Variants in CFAP77 observed in about 807,000 individuals in gnomAD.
The protein encoded by CFAP77 is cilia and flagella associated protein 77.
In CFAP77, 25 loss-of-function variants were observed where a neutral mutation model predicts 31.1. The observed-to-expected ratio is 0.80, with a 90% confidence interval of 0.59 to 1.12. The LOEUF is 1.12. CFAP77 is among the 50% of genes most tolerant of loss of function. CFAP77 has a pLI of 0.00. For synonymous variants in CFAP77, 151 were observed against 159.9 expected (o/e 0.94, Z 0.42); for missense variants, 377 against 397.3 (o/e 0.95, Z 0.44).
At chr9:132,562,870 T>G (rs1217901213) in intron 5 of CFAP77, among the ~76,000 whole-genome samples, 2 of 151,766 alleles carry the variant, frequency 1.3e-5, no homozygotes, top group Non-Finnish European at 2.9e-5. Context: ...CAGCTAATTT[T>G]TGTATTTTTA....
intron 1 of CFAP77, chr9:132,482,510 G>T: frequency 1.1e-6 from 1 of 892,088 alleles, no homozygotes; most frequent in Non-Finnish European, 1.8e-6. Flanking sequence ...TGCGTGCTGG[G>T]CACCCGTGGC....
At chr9:132,510,220 C>T (rs1411215466) in intron 3 of CFAP77, among the ~76,000 whole-genome samples, 2 of 152,296 alleles carry the variant, frequency 1.3e-5, no homozygotes, top group East Asian at 1.9e-4. Context: ...TGGTTCCCCT[C>T]GGAGCCTCCC....
chr9:132,545,486 G>A lies in CFAP77; in HGVS notation c.732+2439G>A, dbSNP rs964535908. 2.6e-5 allele frequency among the ~76,000 whole-genome samples: 4 copies of A among 152,170 alleles called. No homozygotes were observed. The highest frequency in any genetic ancestry group is 4.8e-5 in the African/African-American group (2 of 41,430). ...AAGCCACAGCATATACTGAGTGTTC[G>A]CCTCCTTTCCGAGGGTATTCGCAGG... On this transcript the variant is annotated intron_variant, in intron 5 of 5. Coordinates refer to ENST00000393216, the MANE Select transcript of CFAP77 (RefSeq NM_001282957.2). This position sits in a 1 kb window ranked among gnomAD's most constrained non-coding sequence, Gnocchi z 4.6.
chr9:132,515,895 C>T (rs1852138379), intron 3 of CFAP77, among the ~76,000 whole-genome samples: 2 of 152,174 alleles, frequency 1.3e-5, no homozygotes, highest in African/African-American at 4.8e-5. Flanking sequence ...TCAAATCCAT[C>T]AGTGAATAGT....
At chr9:132,458,214 C>T (rs1206385774) in intron 1 of CFAP77, among the ~76,000 whole-genome samples, 6 of 152,212 alleles carry the variant, frequency 3.9e-5, no homozygotes, top group African/African-American at 1.2e-4. Context: ...TATCCCGGAG[C>T]CAGGGGCGCT....
intron 1 of CFAP77, among the ~76,000 whole-genome samples, chr9:132,469,154 G>A (rs1373827602): frequency 6.6e-6 from 1 of 152,144 alleles, no homozygotes; most frequent in African/African-American, 2.4e-5. Flanking sequence ...AGGGTAGAAC[G>A]AGCTCTCTGT....
intron 5 of CFAP77, among the ~76,000 whole-genome samples, chr9:132,556,379 C>T (rs762478924): frequency 9.8e-5 from 15 of 152,318 alleles, no homozygotes; most frequent in Non-Finnish European, 2.1e-4. Flanking sequence ...AAGAGCTGAG[C>T]AGCCTCCCAT....
rs1447513419 is a variant in CFAP77, at chr9:132,424,178, C to CAGGCAGATCATG, written c.195+13716_195+13727dup. Among the ~76,000 whole-genome samples the CAGGCAGATCATG allele has an allele frequency of 1.2e-4, 19 of 152,276 alleles. No individual in the cohort carries two copies. Among genetic ancestry groups the CAGGCAGATCATG allele is most frequent in the Admixed American group, 1.2e-3 (18 of 15,288 alleles). On this transcript the variant is annotated intron_variant, in intron 1 of 5. Coordinates refer to ENST00000393216, the MANE Select transcript of CFAP77 (RefSeq NM_001282957.2). This position sits in a 1 kb window ranked among gnomAD's most constrained non-coding sequence, Gnocchi z 4.1. ...ATCGCAGCACTTTGGGAGGCAGAGG[C>CAGGCAGATCATG]AGGCAGATCATGAGGTCAGGAGATG...
chr9:132,494,895 G>A (rs1851715681), intron 1 of CFAP77, among the ~76,000 whole-genome samples: 1 of 152,106 alleles, frequency 6.6e-6, no homozygotes, highest in African/African-American at 2.4e-5. Flanking sequence ...TTGATTTGTA[G>A]TAACTCTTTA....
Position 132,501,090 on chromosome 9 carries a change from C to A in CFAP77, c.524+1490C>A, listed in dbSNP as rs1268298212. On this transcript the variant is annotated intron_variant, in intron 3 of 5. Coordinates refer to ENST00000393216, the MANE Select transcript of CFAP77 (RefSeq NM_001282957.2). The surrounding 1 kb of genome is among the most constrained non-coding windows in gnomAD (Gnocchi z 4.6). ...TCCCAACCCTGGCACACATGACATT[C>A]TATAAAAGCAGAATGTAGTTGTGTT... 6.6e-6 allele frequency among the ~76,000 whole-genome samples: 1 copy of A among 152,224 alleles called. No individual in the cohort carries two copies. Among genetic ancestry groups the A allele is most frequent in the Non-Finnish European group, 1.5e-5 (1 of 68,044 alleles).
intron 1 of CFAP77, among the ~76,000 whole-genome samples, chr9:132,493,162 G>C (rs2118944191): frequency 6.6e-6 from 1 of 152,296 alleles, no homozygotes; most frequent in South Asian, 2.1e-4. Flanking sequence ...CAAGAAGAAA[G>C]GAAGTCCAGG....
intron 1 of CFAP77, among the ~76,000 whole-genome samples, chr9:132,418,922 C>T (rs1321649857): frequency 6.6e-6 from 1 of 152,136 alleles, no homozygotes; most frequent in Admixed American, 6.6e-5. Context: ...GGCCAGGGCC[C>T]CATCACAGAC....
At position 132,497,465 on chromosome 9, in the gene CFAP77, T is replaced by C. The variant is rs10120389; in HGVS notation, c.196-1230T>C. Among the ~76,000 whole-genome samples, 23,621 of 152,212 alleles carry C rather than the reference T, an allele frequency of 0.16. 2,184 individuals carry two copies. Among genetic ancestry groups the C allele is most frequent in the East Asian group, 0.45 (2,310 of 5,154 alleles). ...ACCACCGCCTGTGGCCTGTGGCCTG[T>C]GGCCTGTGGACAGTGGAAGGAGCAG... On this transcript the variant is annotated intron_variant, in intron 1 of 5. Coordinates refer to ENST00000393216, the MANE Select transcript of CFAP77 (RefSeq NM_001282957.2). This position sits in a 1 kb window ranked among gnomAD's most constrained non-coding sequence, Gnocchi z 4.9.
chr9:132,535,956 T>C (rs2119051283), intron 3 of CFAP77, among the ~76,000 whole-genome samples: 1 of 152,318 alleles, frequency 6.6e-6, no homozygotes, highest in African/African-American at 2.4e-5. Flanking sequence ...TGTCATTTCC[T>C]TCCTGTTCTC....
At chr9:132,500,503 A>C (rs1033902526) in intron 3 of CFAP77, among the ~76,000 whole-genome samples, 1 of 152,110 alleles carries the variant, frequency 6.6e-6, no homozygotes, top group African/African-American at 2.4e-5. Flanking sequence ...AGAGCTATGA[A>C]ATTTTTAAAA....
Position 132,552,421 on chromosome 9 carries a change from C to T in CFAP77, c.732+9374C>T, listed in dbSNP as rs116594502. On this transcript the variant is annotated intron_variant, in intron 5 of 5. Transcript: ENST00000393216. This position sits in a 1 kb window ranked among gnomAD's most constrained non-coding sequence, Gnocchi z 5.5. ...AAAATGCAGAGTCGAAGGCCCAGTG[C>T]GGTGGCTCATGCCTGTAATCTCCCA... Among the ~76,000 whole-genome samples, 1,648 of 152,208 alleles carry T rather than the reference C, an allele frequency of 0.011. 40 individuals carry two copies. Among genetic ancestry groups the T allele is most frequent in the African/African-American group, 0.037 (1,537 of 41,530 alleles).
chr9:132,410,693 G>A (rs1849975987), intron 1 of CFAP77, among the ~76,000 whole-genome samples: 1 of 152,358 alleles, frequency 6.6e-6, no homozygotes, highest in East Asian at 1.9e-4. Flanking sequence ...ACCACTAAAG[G>A]GACTGATTGG....
chr9:132,418,885 A>G (rs1257812701), intron 1 of CFAP77, among the ~76,000 whole-genome samples: 3 of 152,244 alleles, frequency 2.0e-5, no homozygotes, highest in Non-Finnish European at 2.9e-5. Flanking sequence ...AAATTGATTG[A>G]GTACACCAGA....
At chr9:132,506,690 A>G (rs1028530859) in intron 3 of CFAP77, among the ~76,000 whole-genome samples, 4 of 152,136 alleles carry the variant, frequency 2.6e-5, no homozygotes, top group African/African-American at 9.7e-5. Context: ...ATGTGTTATT[A>G]TTACTACCTC....
Sources: allele counts gnomAD v4.1 joint callset (sites outside exome capture counted in the v4.1 genomes callset), GRCh38; gene constraint gnomAD v4.1.1; non-coding constraint Gnocchi (gnomAD v3.1); transcripts MANE v1.5; gene names NCBI Gene and HGNC (gene_info 2026-07-23, HGNC 2026-07-21).